Variants in ENTREP2 observed in about 807,000 individuals in gnomAD.
ENTREP2 encodes the protein endosomal transmembrane epsin interactor 2.
chr15:29,671,365 C>T, the ENTREP2 span, among the ~76,000 whole-genome samples: 1 of 152,228 alleles, frequency 6.6e-6, no homozygotes, highest in South Asian at 2.1e-4. Flanking sequence ...TAAGAACCTC[C>T]TGACTTTGTA....
At chr15:29,628,313 T>C in the ENTREP2 span, among the ~76,000 whole-genome samples, 1 of 152,348 alleles carries the variant, frequency 6.6e-6, no homozygotes, top group South Asian at 2.1e-4. Flanking sequence ...CATTTTTAAA[T>C]TGAGTTGCTT....
At chr15:29,336,686 G>A in the ENTREP2 span, among the ~76,000 whole-genome samples, 3 of 152,112 alleles carry the variant, frequency 2.0e-5, no homozygotes, top group Non-Finnish European at 2.9e-5. Flanking sequence ...GAGGCTCACC[G>A]TTTTCACGTG....
At chr15:29,223,849 A>G in the ENTREP2 span, among the ~76,000 whole-genome samples, 214 of 152,200 alleles carry the variant, frequency 1.4e-3, no homozygotes, top group African/African-American at 4.9e-3. Flanking sequence ...AAAAGCAGGC[A>G]CTCTCTGGAG....
chr15:29,445,263 T>C, the ENTREP2 span, among the ~76,000 whole-genome samples: 1 of 152,160 alleles, frequency 6.6e-6, no homozygotes, highest in African/African-American at 2.4e-5. Flanking sequence ...CTCCTAACAC[T>C]TGGAATCTCC....
chr15:29,581,373 C>T, the ENTREP2 span, among the ~76,000 whole-genome samples: 1 of 151,970 alleles, frequency 6.6e-6, no homozygotes, highest in African/African-American at 2.4e-5. Context: ...AAGACATAAC[C>T]ACAAAATAGA....
chr15:29,218,540 T>G, the ENTREP2 span, among the ~76,000 whole-genome samples: 2 of 151,688 alleles, frequency 1.3e-5, no homozygotes, highest in African/African-American at 4.8e-5. Context: ...AAATCTGGAG[T>G]CATCACATTA....
At chr15:29,643,349 C>G in the ENTREP2 span, among the ~76,000 whole-genome samples, 4 of 152,162 alleles carry the variant, frequency 2.6e-5, no homozygotes, top group East Asian at 7.7e-4. Context: ...TCCCACTATA[C>G]AAATGGACCA....
chr15:29,133,507 C>T, the ENTREP2 span, among the ~76,000 whole-genome samples: 1 of 152,204 alleles, frequency 6.6e-6, no homozygotes, highest in East Asian at 1.9e-4. Flanking sequence ...TGGTCCAGCC[C>T]TGCCCTCCAT....
the ENTREP2 span, among the ~76,000 whole-genome samples, chr15:29,258,212 C>CAAAAAAAAAAAA: frequency 1.7e-5 from 2 of 118,340 alleles, no homozygotes; most frequent in African/African-American, 6.5e-5. Flanking sequence ...GGCTCAGTCT[C>CAAAAAAAAAAAA]AAAAAAAAAA....
the ENTREP2 span, among the ~76,000 whole-genome samples, chr15:29,640,064 C>T: frequency 6.6e-6 from 1 of 152,174 alleles, no homozygotes. Context: ...CCACCACGCC[C>T]AGCCAGAAGT....
the ENTREP2 span, among the ~76,000 whole-genome samples, chr15:29,181,539 C>T: frequency 6.6e-6 from 1 of 151,936 alleles, no homozygotes. Flanking sequence ...AGTAGATTTT[C>T]ATAATTATAT....
the ENTREP2 span, chr15:29,265,508 G>C: frequency 6.6e-6 from 1 of 152,132 alleles, no homozygotes; most frequent in Admixed American, 6.6e-5. Flanking sequence ...ACGTGGTGGC[G>C]GGCACCTGTA....
chr15:29,329,759 A>T, the ENTREP2 span, among the ~76,000 whole-genome samples: 1 of 152,352 alleles, frequency 6.6e-6, no homozygotes, highest in East Asian at 1.9e-4. Flanking sequence ...AGGAACACAG[A>T]AGCCAACTTT....
the ENTREP2 span, among the ~76,000 whole-genome samples, chr15:29,436,848 G>T: frequency 6.6e-6 from 1 of 152,118 alleles, no homozygotes. Context: ...GTAACATTAC[G>T]GAATTTCCAA....
chr15:29,588,925 G>A, the ENTREP2 span, among the ~76,000 whole-genome samples: 1,911 of 151,744 alleles, frequency 0.013, 41 homozygotes, highest in African/African-American at 0.044. Flanking sequence ...GGGAAGTTGC[G>A]GCTGCCATGA....
the ENTREP2 span, among the ~76,000 whole-genome samples, chr15:29,457,628 A>T: frequency 7.2e-5 from 11 of 152,180 alleles, no homozygotes; most frequent in Admixed American, 7.2e-4. Context: ...GCCCAGTTAT[A>T]CTGCCTGTTC....
the ENTREP2 span, among the ~76,000 whole-genome samples, chr15:29,580,095 T>G: frequency 6.6e-6 from 1 of 152,026 alleles, no homozygotes; most frequent in East Asian, 1.9e-4. Flanking sequence ...AGTCGGCCCA[T>G]CTCAGCCTCC....
the ENTREP2 span, among the ~76,000 whole-genome samples, chr15:29,175,357 A>G: frequency 6.6e-6 from 1 of 152,230 alleles, no homozygotes; most frequent in African/African-American, 2.4e-5. Context: ...CTCAATCAAC[A>G]TTAGCTATGA....
At chr15:29,674,533 G>GC in the ENTREP2 span, among the ~76,000 whole-genome samples, 2 of 152,096 alleles carry the variant, frequency 1.3e-5, no homozygotes, top group African/African-American at 4.8e-5. Context: ...CTCCCAAAGT[G>GC]CCGGGATTAC....
Sources: gnomAD v4.1 joint callset for allele counts (sites outside exome capture counted in the v4.1 genomes callset) on GRCh38, gnomAD v4.1.1 for gene constraint, MANE v1.5 for transcripts, NCBI Gene and HGNC (gene_info 2026-07-23, HGNC 2026-07-21) for gene names.